Variants in NRK observed in about 807,000 individuals in gnomAD.
The protein encoded by NRK is nik-related protein kinase.
In NRK, 67 loss-of-function variants were observed where a neutral mutation model predicts 125.2. The observed-to-expected ratio is 0.54, with a 90% CI of 0.44 to 0.66. The LOEUF (loss-of-function observed/expected upper bound fraction) is 0.66. Ranked by LOEUF, NRK falls within the 30% of genes least tolerant of loss-of-function variation. The pLI, the probability that NRK is intolerant of heterozygous loss-of-function variation, is 0.00. For missense variants in NRK, 1,224 were observed against 1,192.9 expected (o/e 1.03, Z -0.38); for synonymous variants, 458 against 429.0 (o/e 1.07, Z -0.84).
intron 19 of NRK, among the ~76,000 whole-genome samples, chrX:105,933,831 TC>T (rs750671078): frequency 8.9e-6 from 1 of 111,843 alleles, no homozygotes; most frequent in Non-Finnish European, 1.9e-5. Context: ...AAATTCTGCT[TC>T]CCCTACTTAC....
At chrX:105,847,136 CA>C (rs778394485) in intron 2 of NRK, among the ~76,000 whole-genome samples, 1 of 111,673 alleles carries the variant, frequency 9.0e-6, no homozygotes, top group Non-Finnish European at 1.9e-5. Context: ...TACATTTGTA[CA>C]TGATATACTC....
At chrX:105,930,717 C>G (rs2040583429) in intron 19 of NRK, among the ~76,000 whole-genome samples, 1 of 110,703 alleles carries the variant, frequency 9.0e-6, no homozygotes. Flanking sequence ...TATGGAGTGG[C>G]TTTCATAAGG....
rs1382963077 is a variant in NRK, at chrX:105,955,487, ATTTC to A, written c.4654-10_4654-7del. The stretch of plus-strand genomic sequence containing the variant: ...TGTATTAAATATCTGTTGACAGTGT[ATTTC>A]TTTCTTTTTCAAGCTGTTCTTTACC... On this transcript the variant is annotated splice_polypyrimidine_tract_variant and intron_variant, in intron 28 of 28. Coordinates refer to ENST00000243300, the MANE Select transcript of NRK (RefSeq NM_198465.4). 9.6e-7 allele frequency: 1 copy of A among 1,044,504 alleles called. No individual in the cohort carries two copies. The highest frequency in any genetic ancestry group is 1.3e-6 in the Non-Finnish European group (1 of 756,994). 86.1% of individuals were successfully genotyped at this position (1,044,504 alleles called of 1,213,427 possible).
chrX:105,836,369 G>A (rs1278213287), intron 2 of NRK, among the ~76,000 whole-genome samples: 2 of 111,798 alleles, frequency 1.8e-5, no homozygotes, highest in Non-Finnish European at 3.8e-5. Flanking sequence ...TCCAGAGATA[G>A]AGAACAATTT....
intron 19 of NRK, among the ~76,000 whole-genome samples, chrX:105,930,392 A>C (rs970775866): frequency 1.8e-5 from 2 of 109,727 alleles, no homozygotes; most frequent in African/African-American, 6.6e-5. Flanking sequence ...TATTCATTGA[A>C]TTCTTTATCT....
intron 1 of NRK, 55 bp downstream of exon 1, chrX:105,822,957 G>A: frequency 9.8e-7 from 1 of 1,025,489 alleles, no homozygotes; most frequent in Non-Finnish European, 1.3e-6. Flanking sequence ...CGGGTTCTGC[G>A]TACCAGAGGG....
intron 2 of NRK, among the ~76,000 whole-genome samples, chrX:105,878,924 T>A (rs2039850869): frequency 1.8e-5 from 2 of 111,362 alleles, no homozygotes; most frequent in Non-Finnish European, 3.8e-5. Context: ...ACAAAATGTA[T>A]TCCCTCACAA....
At chrX:105,843,217 G>A (rs1003879278) in intron 2 of NRK, among the ~76,000 whole-genome samples, 2 of 112,042 alleles carry the variant, frequency 1.8e-5, no homozygotes, top group African/African-American at 6.5e-5. Context: ...CCTTTTATTA[G>A]TAGTATTATC....
At chrX:105,898,812 G>T in intron 8 of NRK, 98 bp downstream of exon 8, 1 of 692,863 alleles carries the variant, frequency 1.4e-6, no homozygotes. Flanking sequence ...AAAGCAGGCA[G>T]CTCCACATTT....
chrX:105,897,362 G>A, intron 7 of NRK, among the ~76,000 whole-genome samples: 1 of 112,317 alleles, frequency 8.9e-6, no homozygotes, highest in East Asian at 2.8e-4. Context: ...TGATAGAAGG[G>A]AAAGAGATGG....
At chrX:105,831,144 C>T (rs748738496) in intron 2 of NRK, 25 bp downstream of exon 2, 1 of 920,592 alleles carries the variant, frequency 1.1e-6, no homozygotes, top group Non-Finnish European at 1.6e-6. Flanking sequence ...ATTATTTATT[C>T]ATTCTTCATT....
chrX:105,865,321 C>G (rs1209026165), intron 2 of NRK, among the ~76,000 whole-genome samples: 1 of 111,408 alleles, frequency 9.0e-6, no homozygotes, highest in Non-Finnish European at 1.9e-5. Context: ...TGAGTTCACA[C>G]TCTTTTGGGT....
Position 105,908,230 on chromosome X carries a change from G to T in NRK, c.1022-10G>T. On this transcript the variant is annotated splice_polypyrimidine_tract_variant and intron_variant, in intron 11 of 28. Coordinates refer to ENST00000243300, the MANE Select transcript of NRK (RefSeq NM_198465.4). ...TTTATGCATTATGTTTTTCTCTTTT[G>T]TAAAAAAAGGAATACCTTTGATCTT... 3 of 1,042,853 alleles carry T rather than the reference G, an allele frequency of 2.9e-6. No individual in the cohort carries two copies. The highest frequency in any genetic ancestry group is 2.6e-6 in the Non-Finnish European group (2 of 771,415). The allele number at this position is 1,042,853 out of a possible 1,213,427, so 85.9% of individuals were successfully genotyped here.
chrX:105,913,878 A>T (rs915383240), intron 14 of NRK, among the ~76,000 whole-genome samples: 5 of 110,970 alleles, frequency 4.5e-5, no homozygotes, highest in African/African-American at 1.6e-4. Context: ...AGAATAATTA[A>T]GTTAGTCCTA....
In NRK at chrX:105,857,105, TA is replaced by T. The variant is rs1437702865; in HGVS notation, c.124-23092del. ...TTGTCCTGGAGTAATTTTGAGACAATAACCAGCATATTGAAGAAATTTCAAT... is the reference window on the plus strand; with the variant it reads ...TTGTCCTGGAGTAATTTTGAGACAATACCAGCATATTGAAGAAATTTCAAT... On this transcript the variant is annotated intron_variant, in intron 2 of 28. Coordinates refer to ENST00000243300, the MANE Select transcript of NRK (RefSeq NM_198465.4). 4.0e-4 allele frequency among the ~76,000 whole-genome samples: 45 copies of T among 111,842 alleles called. 1 individual carries two copies. Among genetic ancestry groups the T allele is most frequent in the African/African-American group, 1.5e-3 (45 of 30,844 alleles).
intron 13 of NRK, 62 bp downstream of exon 13, chrX:105,909,944 C>A: frequency 1.0e-6 from 1 of 964,370 alleles, no homozygotes; most frequent in Non-Finnish European, 1.4e-6. Flanking sequence ...ATAGCTCATG[C>A]GGATGTTTTT....
At chrX:105,888,441 T>G in intron 5 of NRK, 22 bp downstream of exon 5, 1 of 1,139,677 alleles carries the variant, frequency 8.8e-7, no homozygotes, top group South Asian at 2.1e-5. Context: ...ATTACACTGT[T>G]CTTATTCTAT....
chrX:105,833,124 A>G (rs1054381576), intron 2 of NRK, among the ~76,000 whole-genome samples: 3 of 112,073 alleles, frequency 2.7e-5, no homozygotes, highest in Non-Finnish European at 5.6e-5. Flanking sequence ...TCTTAAAAAC[A>G]GAAAGAACCT....
intron 2 of NRK, among the ~76,000 whole-genome samples, chrX:105,856,825 A>G (rs776743059): frequency 4.5e-5 from 5 of 111,801 alleles, no homozygotes; most frequent in Non-Finnish European, 9.4e-5. Context: ...ATAATGTTTT[A>G]AAAACATGGG....
Sources: allele counts gnomAD v4.1 joint callset (sites outside exome capture counted in the v4.1 genomes callset), GRCh38; gene constraint gnomAD v4.1.1; transcripts MANE v1.5; gene names NCBI Gene and HGNC (gene_info 2026-07-23, HGNC 2026-07-21).